Variants in GRID2 observed in about 807,000 individuals in gnomAD.
The protein encoded by GRID2 is glutamate ionotropic receptor delta type subunit 2.
Under a neutral mutation model 114.8 loss-of-function variants are expected in GRID2, and 33 were observed. The ratio of observed to expected loss-of-function variants is 0.29; its 90% CI spans 0.22 to 0.38. The LOEUF is 0.38. Ranked by LOEUF, GRID2 falls within the 10% of genes least tolerant of loss-of-function variation. GRID2 has a pLI of 1.00. For synonymous variants in GRID2, 505 were observed against 449.9 expected (o/e 1.12, Z -1.55); for missense variants, 1,184 against 1,257.7 (o/e 0.94, Z 0.89).
chr4:93,220,252 A>AT (rs977571978), intron 6 of GRID2, among the ~76,000 whole-genome samples: 51 of 151,754 alleles, frequency 3.4e-4, no homozygotes, highest in African/African-American at 1.1e-3. Context: ...ATATATATAT[A>AT]TTTTTTTAGA....
chr4:93,552,875 C>G (rs76074088), intron 13 of GRID2, among the ~76,000 whole-genome samples: 16,326 of 136,948 alleles, frequency 0.12, 1,231 homozygotes, highest in Non-Finnish European at 0.17. Context: ...TGAGTGAGAA[C>G]ATATGGTGTT....
chr4:92,850,795 T>C (rs1410417453), intron 2 of GRID2, among the ~76,000 whole-genome samples: 15 of 151,908 alleles, frequency 9.9e-5, no homozygotes, highest in Non-Finnish European at 4.4e-5. Context: ...CCAAGAGCAA[T>C]TTACTTCCTT....
At position 93,268,722 on chromosome 4, in the gene GRID2, A is replaced by G. The variant is rs556033156; in HGVS notation, c.1245+30232A>G. Among the ~76,000 whole-genome samples the G allele has an allele frequency of 2.6e-5, 4 of 152,328 alleles. No homozygotes were observed. The East Asian group carries it at 7.7e-4, about 29-fold the overall frequency. On this transcript the variant is annotated intron_variant, in intron 8 of 15. Coordinates refer to ENST00000282020, the MANE Select transcript of GRID2 (RefSeq NM_001510.4). ...GAATATATAGAATAACTGTGGGTCA[A>G]AGATTTATTAAATTATAACCACATA...
At chr4:92,850,876 A>G (rs1291798075) in intron 2 of GRID2, among the ~76,000 whole-genome samples, 1 of 151,878 alleles carries the variant, frequency 6.6e-6, no homozygotes, top group Non-Finnish European at 1.5e-5. Flanking sequence ...ACTTTAAGTG[A>G]GTCAGTTGTC....
rs540985280 is a variant in GRID2, at chr4:92,564,609, G to T, written c.89-25522G>T. On this transcript the variant is annotated intron_variant, in intron 1 of 15. Transcript: ENST00000282020. Reference sequence around the variant, plus strand: ...TCAGTACTGAGAACAATACAGTTTTGAAAATAAAGAAATATAAATTTAACA... The same window carrying T: ...TCAGTACTGAGAACAATACAGTTTTTAAAATAAAGAAATATAAATTTAACA... Among the ~76,000 whole-genome samples, 53 of 151,954 alleles carry T rather than the reference G, an allele frequency of 3.5e-4. 1 individual carries two copies. In the South Asian group the frequency reaches 9.8e-3, roughly 28 times the overall value.
At chr4:93,321,076 G>C (rs1418025369) in intron 8 of GRID2, among the ~76,000 whole-genome samples, 1 of 151,988 alleles carries the variant, frequency 6.6e-6, no homozygotes, top group Non-Finnish European at 1.5e-5. Flanking sequence ...TATTCCTACT[G>C]TGATCTATAA....
chr4:92,632,028 A>T (rs1189389770), intron 2 of GRID2, among the ~76,000 whole-genome samples: 1 of 152,164 alleles, frequency 6.6e-6, no homozygotes, highest in African/African-American at 2.4e-5. Context: ...ATAATTAGAA[A>T]TAATGAATGC....
At chr4:92,464,588 A>G (rs537372288) in intron 1 of GRID2, among the ~76,000 whole-genome samples, 102 of 152,142 alleles carry the variant, frequency 6.7e-4, no homozygotes, top group Non-Finnish European at 1.2e-3. Context: ...CCTTAAAAAA[A>G]GGTAATACAT....
chr4:92,699,012 C>T (rs1734547591), intron 2 of GRID2, among the ~76,000 whole-genome samples: 1 of 152,038 alleles, frequency 6.6e-6, no homozygotes, highest in Non-Finnish European at 1.5e-5. Context: ...TTTTGCACAA[C>T]TGAAATTCAC....
rs558492718 is a variant in GRID2, at chr4:93,664,684, G to A, written c.2360+38249G>A. Among the ~76,000 whole-genome samples, 20 of 152,268 alleles carry A rather than the reference G, an allele frequency of 1.3e-4. No individual in the cohort carries two copies. The East Asian group carries it at 3.3e-3, about 25-fold the overall frequency. On this transcript the variant is annotated intron_variant, in intron 14 of 15. Coordinates refer to ENST00000282020, the MANE Select transcript of GRID2 (RefSeq NM_001510.4). ...GAAAATTGGGAGATCAATTCTGGAC[G>A]TGGGACGTTTGAAGCTGTGGAGTAT...
intron 8 of GRID2, among the ~76,000 whole-genome samples, chr4:93,304,897 T>G (rs1435301867): frequency 1.3e-5 from 2 of 152,144 alleles, no homozygotes; most frequent in Non-Finnish European, 2.9e-5. Flanking sequence ...AATAAATGAA[T>G]TATTTTGCAA....
chr4:93,301,976 G>A (rs1579599845), intron 8 of GRID2, among the ~76,000 whole-genome samples: 1 of 152,048 alleles, frequency 6.6e-6, no homozygotes, highest in Admixed American at 6.5e-5. Context: ...CAAAGATGTC[G>A]CTAAGTAACC....
chr4:93,591,966 G>T (rs1306940824), intron 13 of GRID2, among the ~76,000 whole-genome samples: 2 of 151,734 alleles, frequency 1.3e-5, no homozygotes, highest in African/African-American at 4.8e-5. Context: ...TATTAGTCTT[G>T]CTAGTGCTCT....
intron 2 of GRID2, among the ~76,000 whole-genome samples, chr4:92,610,309 G>T (rs143526681): frequency 4.4e-4 from 67 of 151,744 alleles, no homozygotes; most frequent in African/African-American, 1.5e-3. Context: ...CTGTAGAGAA[G>T]AGTTGCCCTG....
chr4:92,721,120 C>G (rs369838332), intron 2 of GRID2, among the ~76,000 whole-genome samples: 1 of 151,798 alleles, frequency 6.6e-6, no homozygotes, highest in African/African-American at 2.4e-5. Context: ...TATAGAGACA[C>G]GAGGTAAAAT....
intron 2 of GRID2, among the ~76,000 whole-genome samples, chr4:92,692,772 C>A (rs534391128): frequency 2.6e-5 from 4 of 152,148 alleles, no homozygotes; most frequent in African/African-American, 9.6e-5. Context: ...CCTGTAATCC[C>A]AGCACTTTGG....
chr4:93,793,059 A>G (rs1001131343), intron 1 of GRID2, among the ~76,000 whole-genome samples: 8 of 152,246 alleles, frequency 5.3e-5, no homozygotes, highest in Non-Finnish European at 1.2e-4. Context: ...TTGTTTTCTA[A>G]ATAAAACCTT....
At chr4:92,430,240 C>T (rs1253044873) in intron 1 of GRID2, among the ~76,000 whole-genome samples, 3 of 152,078 alleles carry the variant, frequency 2.0e-5, no homozygotes, top group African/African-American at 7.2e-5. Flanking sequence ...AGGTTGAGGT[C>T]TTAGATTTAA....
chr4:92,720,552 T>TA lies in GRID2; in HGVS notation c.244+130268dup, dbSNP rs151262698. Among the ~76,000 whole-genome samples the TA allele has an allele frequency of 7.4e-3, 1,130 of 151,960 alleles. 16 individuals carry two copies. The highest frequency in any genetic ancestry group is 0.025 in the African/African-American group (1,037 of 41,502). Reference sequence around the variant, plus strand: ...CATCTCAAATAAATAAATAAATAAATAATAAAACTCTTGTCCTATAAGCAA... The same window carrying TA: ...CATCTCAAATAAATAAATAAATAAATAAATAAAACTCTTGTCCTATAAGCAA... On this transcript the variant is annotated intron_variant, in intron 2 of 15. Coordinates refer to ENST00000282020, the MANE Select transcript of GRID2 (RefSeq NM_001510.4).
Sources: allele counts gnomAD v4.1 joint callset (sites outside exome capture counted in the v4.1 genomes callset), GRCh38; gene constraint gnomAD v4.1.1; transcripts MANE v1.5; gene names NCBI Gene and HGNC (gene_info 2026-07-23, HGNC 2026-07-21).